MEGF11: variants seen among roughly 807,000 people sequenced by gnomAD.
MEGF11 encodes the protein multiple epidermal growth factor-like domains protein 11.
In MEGF11, 126 loss-of-function variants were observed where a neutral mutation model predicts 146.6. The ratio of observed to expected loss-of-function variants is 0.86; its 90% confidence interval spans 0.74 to 1.00. MEGF11 has a LOEUF of 1.00. Ranked by LOEUF, MEGF11 falls within the 50% of genes least tolerant of loss-of-function variation. MEGF11 has a pLI of 0.00. For synonymous variants in MEGF11, 532 were observed against 583.4 expected (o/e 0.91, Z 1.27); for missense variants, 1,509 against 1,521.2 (o/e 0.99, Z 0.13).
chr15:65,930,198 C>T (rs1053669310), intron 11 of MEGF11, among the ~76,000 whole-genome samples: 1 of 152,144 alleles, frequency 6.6e-6, no homozygotes, highest in African/African-American at 2.4e-5. Context: ...ATCTCAGGAC[C>T]CTCTGTTTGA....
At chr15:66,140,066 C>G (rs992482962) in intron 1 of MEGF11, among the ~76,000 whole-genome samples, 1 of 151,026 alleles carries the variant, frequency 6.6e-6, no homozygotes, top group Non-Finnish European at 1.5e-5. Flanking sequence ...AAAGCCAGTG[C>G]GGTTTTTTCT....
intron 5 of MEGF11, among the ~76,000 whole-genome samples, chr15:66,084,722 G>C (rs567589376): frequency 5.3e-5 from 8 of 152,326 alleles, no homozygotes; most frequent in African/African-American, 1.9e-4. Context: ...AGAGGAGCAG[G>C]AGGTAAAACT....
chr15:66,105,295 G>C (rs117605458), intron 4 of MEGF11, among the ~76,000 whole-genome samples: 1 of 152,212 alleles, frequency 6.6e-6, no homozygotes, highest in East Asian at 1.9e-4. Flanking sequence ...AAGAGGAGGA[G>C]GAAGAGAGAG....
chr15:65,988,008 C>CTT (rs35039801), intron 5 of MEGF11, among the ~76,000 whole-genome samples: 1,933 of 93,566 alleles, frequency 0.021, 111 homozygotes, highest in African/African-American at 0.07. Flanking sequence ...AGTACCCGGT[C>CTT]TTTTTTTTTT....
At chr15:66,013,520 T>C (rs937642733) in intron 5 of MEGF11, among the ~76,000 whole-genome samples, 6 of 152,286 alleles carry the variant, frequency 3.9e-5, no homozygotes, top group African/African-American at 1.4e-4. Context: ...CACATTCTAA[T>C]CTAATCTCCA....
chr15:66,070,752 A>G (rs1455196033), intron 5 of MEGF11, among the ~76,000 whole-genome samples: 3 of 152,164 alleles, frequency 2.0e-5, no homozygotes, highest in African/African-American at 7.2e-5. Flanking sequence ...TGGAATGGGA[A>G]TAACTTGCAA....
chr15:66,094,691 G>A (rs979974317), intron 4 of MEGF11, among the ~76,000 whole-genome samples, 197 bp from the exon 5 acceptor site: 2 of 152,174 alleles, frequency 1.3e-5, no homozygotes, highest in Non-Finnish European at 2.9e-5. Flanking sequence ...TCCTACAAGA[G>A]TACATTTCAT....
In MEGF11 at chr15:65,961,682, G is replaced by T. The variant is rs977447548; in HGVS notation, c.1112+3226C>A. Among the ~76,000 whole-genome samples, 3 of 152,350 alleles carry T rather than the reference G, an allele frequency of 2.0e-5. No individual in the cohort carries two copies. In the South Asian group the frequency reaches 6.2e-4, roughly 32 times the overall value. ...GCATGGATTCAATCTCTGTGCAGCA[G>T]CCTTGCCGGAAGGGCACAGACCAGA... On this transcript the variant is annotated intron_variant, in intron 9 of 25. Coordinates refer to ENST00000395614, the MANE Select transcript of MEGF11 (RefSeq NM_001385028.1).
chr15:66,039,111 C>T (rs2083844667), intron 5 of MEGF11, among the ~76,000 whole-genome samples: 1 of 152,182 alleles, frequency 6.6e-6, no homozygotes, highest in Non-Finnish European at 1.5e-5. Context: ...CCATTTTCTA[C>T]AGGGTAATGA....
At position 65,964,896 on chromosome 15, in the gene MEGF11, C is replaced by CG. The variant is rs754353115; in HGVS notation, c.1112+11_1112+12insC. 2 of 1,470,686 alleles carry CG rather than the reference C, an allele frequency of 1.4e-6. No homozygotes were observed. The highest frequency in any genetic ancestry group is 1.8e-6 in the Non-Finnish European group (2 of 1,106,572). The allele number at this position is 1,470,686 out of a possible 1,614,324, so 91.1% of individuals were successfully genotyped here. A position where few individuals can be genotyped will look rare whatever the true frequency, so the allele number is the denominator to read the frequency against. On this transcript the variant is annotated intron_variant, in intron 9 of 25. Transcript: ENST00000395614. ...CGCCCTTGTCCCGGGCTCGCCCATT[C>CG]CCAGCTCATACCTGATGGTGTTGTC...
chr15:66,111,532 A>C (rs369823488), intron 4 of MEGF11, among the ~76,000 whole-genome samples: 23 of 152,358 alleles, frequency 1.5e-4, no homozygotes, highest in African/African-American at 5.3e-4. Context: ...AAGGTAGCTC[A>C]GGGAACATTA....
At chr15:66,004,839 C>G (rs997983525) in intron 5 of MEGF11, among the ~76,000 whole-genome samples, 1 of 152,174 alleles carries the variant, frequency 6.6e-6, no homozygotes, top group Non-Finnish European at 1.5e-5. Context: ...GGCAATGGGA[C>G]CCGGTGTGCT....
At chr15:66,136,890 A>G (rs985704073) in intron 1 of MEGF11, among the ~76,000 whole-genome samples, 1 of 152,198 alleles carries the variant, frequency 6.6e-6, no homozygotes, top group Non-Finnish European at 1.5e-5. Context: ...AAAAATAGCC[A>G]GGCATGGTGG....
rs142941119 is a variant in MEGF11 at position 66,130,774 on chromosome 15, C to G, written c.-8-2363G>C. ...GAAGGAAGGAAATTCTCCTTGTCTC[C>G]GATACTTCACTCAGGCGCAGTGAAG... On this transcript the variant is annotated intron_variant, in intron 1 of 25. Coordinates refer to ENST00000395614, the MANE Select transcript of MEGF11 (RefSeq NM_001385028.1). 1.4e-4 allele frequency among the ~76,000 whole-genome samples: 13 copies of G among 93,180 alleles called. 1 individual carries two copies. The highest frequency in any genetic ancestry group is 2.2e-4 in the African/African-American group (6 of 27,288). 61.1% of individuals were successfully genotyped at this position (93,180 alleles called of 152,430 possible). A position where few individuals can be genotyped will look rare whatever the true frequency, so the allele number is the denominator to read the frequency against.
chr15:66,176,982 TA>T (rs2090403647), intron 1 of MEGF11, among the ~76,000 whole-genome samples: 1 of 152,178 alleles, frequency 6.6e-6, no homozygotes. Context: ...CTCCCTCCCT[TA>T]CCATTTGATC....
chr15:65,922,910 A>C lies in MEGF11; in HGVS notation c.1735T>G (p.Cys579Gly). ...CAGGAGCCTCCATTCTCACAGCTGC[A>C]GGAGACAGAGCAGTTGGGGCCCCAG... ...GRWGPNCSVS[C>G]SCENGGSCSP... is the part of the protein sequence containing the mutation. The change falls in exon 14 of 26, where the codon TGC becomes GGC. Residue 579 changes from cysteine (C) to glycine (G), a missense_variant. Physicochemically the swap from Cys to Gly is radical, Grantham distance 159. Coordinates refer to ENST00000395614, the MANE Select transcript of MEGF11 (RefSeq NM_001385028.1). 2 of 1,613,288 alleles carry C rather than the reference A, an allele frequency of 1.2e-6. No homozygotes were observed. Among genetic ancestry groups the C allele is most frequent in the Non-Finnish European group, 1.7e-6 (2 of 1,179,742 alleles).
At chr15:66,009,935 G>C (rs2082657033) in intron 5 of MEGF11, among the ~76,000 whole-genome samples, 1 of 152,090 alleles carries the variant, frequency 6.6e-6, no homozygotes, top group South Asian at 2.1e-4. Flanking sequence ...GGGGAAGAAG[G>C]CTTGAATGAC....
rs191605205 is a variant in MEGF11 at position 66,137,302 on chromosome 15, C to T, written c.-8-8891G>A. 9.2e-5 allele frequency among the ~76,000 whole-genome samples: 14 copies of T among 152,252 alleles called. 1 individual carries two copies. In the South Asian group the frequency reaches 2.9e-3, roughly 32 times the overall value. On this transcript the variant is annotated intron_variant, in intron 1 of 25. Coordinates refer to ENST00000395614, the MANE Select transcript of MEGF11 (RefSeq NM_001385028.1). ...CAAAGAGCATTATCATCACTATAGT[C>T]AGAAAAGCAAAGATATTTTAAGATT...
intron 1 of MEGF11, among the ~76,000 whole-genome samples, chr15:66,244,166 C>A (rs980458777): frequency 6.6e-6 from 1 of 152,164 alleles, no homozygotes; most frequent in South Asian, 2.1e-4. Flanking sequence ...CAATGGTGGT[C>A]CTTGCTATGG....
Sources: allele counts gnomAD v4.1 joint callset (sites outside exome capture counted in the v4.1 genomes callset), GRCh38; gene constraint gnomAD v4.1.1; transcripts MANE v1.5; gene names NCBI Gene and HGNC (gene_info 2026-07-23, HGNC 2026-07-21).